BSPH1: variants seen among roughly 807,000 people sequenced by gnomAD.
The protein encoded by BSPH1 is binder of sperm 1.
BSPH1 carries 21 observed loss-of-function variants against 22.5 expected under a neutral mutation model. The ratio of observed to expected loss-of-function variants is 0.93; its 90% CI spans 0.66 to 1.35. BSPH1 has a LOEUF of 1.35. Ranked by LOEUF, BSPH1 falls within the 40% of genes most tolerant of loss-of-function variation. The probability of loss-of-function intolerance (pLI) is 0.00; values close to 1 mark genes in which losing one functional copy is unlikely to be tolerated. For missense variants in BSPH1, 141 were observed against 154.2 expected (o/e 0.91, Z 0.45); for synonymous variants, 42 against 53.6 (o/e 0.78, Z 0.95).
At chr19:47,990,305 G>A (rs1969511819) in intron 1 of BSPH1, among the ~76,000 whole-genome samples, 1 of 152,060 alleles carries the variant, frequency 6.6e-6, no homozygotes. Flanking sequence ...ATTATTAAAA[G>A]AAATGCTTCA....
At chr19:47,970,904 G>A (rs1203418402) in intron 5 of BSPH1, among the ~76,000 whole-genome samples, 2 of 152,132 alleles carry the variant, frequency 1.3e-5, no homozygotes, top group African/African-American at 2.4e-5. Context: ...TCTCAGAGCC[G>A]AACTAAGCCT....
At chr19:47,971,220 T>C (rs1184928388) in intron 5 of BSPH1, among the ~76,000 whole-genome samples, 2 of 152,212 alleles carry the variant, frequency 1.3e-5, no homozygotes, top group Non-Finnish European at 2.9e-5. Flanking sequence ...TTAATTATTT[T>C]TGAGATGGGG....
intron 5 of BSPH1, among the ~76,000 whole-genome samples, chr19:47,969,591 G>T (rs994316172): frequency 2.0e-5 from 3 of 151,696 alleles, no homozygotes; most frequent in Admixed American, 6.6e-5. Flanking sequence ...AATGGTGAAA[G>T]GGTATTAACT....
intron 5 of BSPH1, among the ~76,000 whole-genome samples, chr19:47,974,437 C>T (rs113591198): frequency 0.068 from 10,304 of 151,626 alleles, 648 homozygotes; most frequent in African/African-American, 0.17. Context: ...GCCTGGCTAA[C>T]TGTTGTATTT....
intron 1 of BSPH1, among the ~76,000 whole-genome samples, chr19:47,985,075 AAAAG>A (rs1230498360): frequency 1.7e-5 from 2 of 116,548 alleles, no homozygotes. Context: ...AAAAAAAAAA[AAAAG>A]AAAGAAAAAG....
At chr19:47,969,546 A>G (rs1302673511) in intron 5 of BSPH1, among the ~76,000 whole-genome samples, 1 of 152,164 alleles carries the variant, frequency 6.6e-6, no homozygotes, top group African/African-American at 2.4e-5. Context: ...CCTGTAATTC[A>G]AATGGAGAAA....
intron 1 of BSPH1, among the ~76,000 whole-genome samples, chr19:47,989,679 T>C (rs1969504880): frequency 6.6e-6 from 1 of 152,126 alleles, no homozygotes; most frequent in Admixed American, 6.6e-5. Flanking sequence ...TAGATGTCTA[T>C]GAGTTCCCAC....
At chr19:47,984,696 T>C (rs368175197) in intron 1 of BSPH1, among the ~76,000 whole-genome samples, 5 of 152,038 alleles carry the variant, frequency 3.3e-5, no homozygotes, top group African/African-American at 1.2e-4. Flanking sequence ...GAACTAAACA[T>C]TGGGTGCACA....
intron 1 of BSPH1, among the ~76,000 whole-genome samples, chr19:47,990,292 T>C (rs1969511657): frequency 6.6e-6 from 1 of 152,108 alleles, no homozygotes; most frequent in African/African-American, 2.4e-5. Context: ...TATTCTCTGA[T>C]GCATTATTAA....
chr19:47,969,851 G>A (rs1251611103), intron 5 of BSPH1, among the ~76,000 whole-genome samples: 3 of 151,768 alleles, frequency 2.0e-5, no homozygotes, highest in Non-Finnish European at 4.4e-5. Flanking sequence ...TTATGTTTGT[G>A]TAAGAGACAG....
In BSPH1 at chr19:47,977,624, A is replaced by G. The variant is rs1033952638; in HGVS notation, c.125-120T>C. ...AGAGTCATTGGCTGTGGCTGTAGTA[A>G]ATGTTATTGTGCTACTCAATAGCAG... On this transcript the variant is annotated intron_variant, in intron 3 of 5. Coordinates refer to ENST00000344839, the MANE Select transcript of BSPH1 (RefSeq NM_001128326.2). 16 of 1,461,780 alleles carry G rather than the reference A, an allele frequency of 1.1e-5. No homozygotes were observed. In the Admixed American group the frequency reaches 2.9e-4, roughly 26 times the overall value. The allele number at this position is 1,461,780 out of a possible 1,614,324, so 90.6% of individuals were successfully genotyped here.
chr19:47,975,205 T>C (rs1358086410), intron 5 of BSPH1, among the ~76,000 whole-genome samples: 6 of 152,194 alleles, frequency 3.9e-5, no homozygotes, highest in Admixed American at 6.5e-5. Flanking sequence ...TTTCATGTTT[T>C]TTTCCTTTTG....
intron 5 of BSPH1, among the ~76,000 whole-genome samples, chr19:47,972,858 C>T (rs921927821): frequency 1.0e-4 from 15 of 150,002 alleles, no homozygotes; most frequent in African/African-American, 3.7e-4. Flanking sequence ...CACACACATC[C>T]CCACCCCCAC....
At chr19:47,990,506 T>C (rs1488347803) in intron 1 of BSPH1, among the ~76,000 whole-genome samples, 5 of 152,052 alleles carry the variant, frequency 3.3e-5, no homozygotes, top group Non-Finnish European at 7.4e-5. Flanking sequence ...CCAAGTACAG[T>C]GTTATTTTTC....
intron 5 of BSPH1, among the ~76,000 whole-genome samples, chr19:47,969,748 G>T (rs947269589): frequency 1.4e-5 from 2 of 146,006 alleles, no homozygotes; most frequent in Non-Finnish European, 3.0e-5. Flanking sequence ...ATGTGTGTGT[G>T]TGAGAGAGAG....
At chr19:47,984,005 C>T (rs1195443861) in intron 1 of BSPH1, among the ~76,000 whole-genome samples, 6 of 151,472 alleles carry the variant, frequency 4.0e-5, no homozygotes, top group Admixed American at 1.3e-4. Flanking sequence ...TGTATTTTTA[C>T]TTGGCTAATT....
At position 47,980,618 on chromosome 19, in the gene BSPH1, G is replaced by A. The variant is rs145312276; in HGVS notation, c.94+303C>T. ...GGAGTAGCTGGGACTACAGGCGCCCGCCACCATGCCCAGTTAATTTTTTGT... is the reference window on the plus strand; with the variant it reads ...GGAGTAGCTGGGACTACAGGCGCCCACCACCATGCCCAGTTAATTTTTTGT... On this transcript the variant is annotated intron_variant, in intron 2 of 5. Coordinates refer to ENST00000344839, the MANE Select transcript of BSPH1 (RefSeq NM_001128326.2). Among the ~76,000 whole-genome samples, 1,497 of 151,412 alleles carry A rather than the reference G, an allele frequency of 9.9e-3. 22 individuals are homozygous for A. Among genetic ancestry groups the A allele is most frequent in the African/African-American group, 0.034 (1,413 of 41,290 alleles).
chr19:47,976,976 C>A (rs751506146), intron 4 of BSPH1, 122 bp from the exon 5 acceptor site: 2 of 911,026 alleles, frequency 2.2e-6, no homozygotes, highest in Non-Finnish European at 3.3e-6. Flanking sequence ...AACAAATGTG[C>A]ACACATACAC....
intron 3 of BSPH1, 106 bp from the exon 4 acceptor site, chr19:47,977,610 C>T (rs1222376961): frequency 1.4e-6 from 2 of 1,478,976 alleles, no homozygotes; most frequent in South Asian, 1.4e-5. Flanking sequence ...GAGTCATTGG[C>T]TGTGGCTGTA....
Sources: gnomAD v4.1 joint callset for allele counts (sites outside exome capture counted in the v4.1 genomes callset) on GRCh38, gnomAD v4.1.1 for gene constraint, MANE v1.5 for transcripts, NCBI Gene and HGNC (gene_info 2026-07-23, HGNC 2026-07-21) for gene names.